The following TDRD10 variants were observed in gnomAD, a reference collection of about 807,000 sequenced individuals.
The protein encoded by TDRD10 is tudor domain-containing protein 10.
Under a neutral mutation model 48.0 loss-of-function variants are expected in TDRD10, and 40 were observed. The ratio of observed to expected loss-of-function variants is 0.83; its 90% confidence interval spans 0.65 to 1.09. The LOEUF (loss-of-function observed/expected upper bound fraction) is 1.09, where lower values mean the gene tolerates loss of function less well. TDRD10 is among the 50% of genes least tolerant of loss of function. The pLI is 0.00. For missense variants in TDRD10, 378 were observed against 434.7 expected (o/e 0.87, Z 1.16); for synonymous variants, 162 against 170.4 (o/e 0.95, Z 0.38).
intron 11 of TDRD10, among the ~76,000 whole-genome samples, chr1:154,546,436 A>G (rs1294424865): frequency 6.8e-6 from 1 of 146,828 alleles, no homozygotes; most frequent in African/African-American, 2.5e-5. Flanking sequence ...TATTATATAT[A>G]TCACGTAATA....
intron 6 of TDRD10, among the ~76,000 whole-genome samples, chr1:154,534,886 C>A (rs1694838560): frequency 6.6e-6 from 1 of 152,072 alleles, no homozygotes; most frequent in Admixed American, 6.6e-5. Context: ...AAGATAATTT[C>A]CCATGGGTGA....
At chr1:154,547,328 C>A in intron 11 of TDRD10, 81 bp from the exon 12 acceptor site, 1 of 1,505,798 alleles carries the variant, frequency 6.6e-7, no homozygotes, top group Non-Finnish European at 9.2e-7. Flanking sequence ...TCCCTGCAGC[C>A]CCCGCCTTTT....
intron 7 of TDRD10, among the ~76,000 whole-genome samples, chr1:154,542,297 A>G (rs898482841): frequency 1.3e-5 from 2 of 152,166 alleles, no homozygotes; most frequent in Non-Finnish European, 2.9e-5. Flanking sequence ...GCATGGTCAT[A>G]GCTCACTGCA....
At chr1:154,537,063 G>C (rs773461910) in intron 6 of TDRD10, among the ~76,000 whole-genome samples, 10 of 152,208 alleles carry the variant, frequency 6.6e-5, no homozygotes, top group Admixed American at 1.3e-4. Flanking sequence ...CCCCACCTTA[G>C]GGCCTCTGGA....
chr1:154,535,117 A>G (rs941738332), intron 6 of TDRD10, among the ~76,000 whole-genome samples: 4 of 152,218 alleles, frequency 2.6e-5, no homozygotes, highest in Admixed American at 1.3e-4. Flanking sequence ...GAATAAGGGT[A>G]GCACTTTGGG....
chr1:154,536,660 A>G (rs1278743707), intron 6 of TDRD10, among the ~76,000 whole-genome samples: 1 of 152,232 alleles, frequency 6.6e-6, no homozygotes, highest in Non-Finnish European at 1.5e-5. Context: ...TCAGTCGCCC[A>G]AAAGATTCCC....
intron 4 of TDRD10, among the ~76,000 whole-genome samples, chr1:154,510,083 G>A (rs1693366354): frequency 6.6e-6 from 1 of 152,108 alleles, no homozygotes; most frequent in Non-Finnish European, 1.5e-5. Context: ...TTTGAGCTGT[G>A]CTTTAGAGAA....
At chr1:154,503,595 CAAA>C (rs1033739641) in intron 1 of TDRD10, among the ~76,000 whole-genome samples, 3 of 151,950 alleles carry the variant, frequency 2.0e-5, no homozygotes, top group Non-Finnish European at 4.4e-5. Context: ...CTCAAAAAGA[CAAA>C]AAACAAACAA....
In TDRD10 at chr1:154,521,532, C is replaced by T. The variant is rs4446954; in HGVS notation, c.369+53C>T. The T allele has an allele frequency of 8.8e-4, 1,395 of 1,580,322 alleles. 10 individuals carry two copies. The African/African-American group carries it at 0.016, about 18-fold the overall frequency. On this transcript the variant is annotated intron_variant, in intron 6 of 12. Transcript: ENST00000368482. ...GGCGTTCCATTTTCACCCTTTAGAG[C>T]GTGGCTGACTTTGCTTTCAGTGCTT...
chr1:154,503,668 A>G (rs780800422), intron 1 of TDRD10, among the ~76,000 whole-genome samples: 1 of 152,196 alleles, frequency 6.6e-6, no homozygotes, highest in Non-Finnish European at 1.5e-5. Context: ...CTGAACGGAA[A>G]TCTTTTGGTT....
chr1:154,506,399 G>A lies in TDRD10; in HGVS notation c.-27-478G>A, dbSNP rs562892614. ...CTCTCTCTTTTTTTTTTTTTGAGAT[G>A]TTGTCTCACTCTGTCGCCCAGGCTG... On this transcript the variant is annotated intron_variant, in intron 1 of 12. Coordinates refer to ENST00000368482, the MANE Select transcript of TDRD10 (RefSeq NM_182499.4). Among the ~76,000 whole-genome samples the A allele has an allele frequency of 3.6e-5, 5 of 137,042 alleles. No individual in the cohort carries two copies. In the South Asian group the frequency reaches 9.2e-4, roughly 25 times the overall value. 89.9% of individuals were successfully genotyped at this position (137,042 alleles called of 152,430 possible).
chr1:154,503,503 G>C (rs1692937676), intron 1 of TDRD10, among the ~76,000 whole-genome samples: 1 of 152,164 alleles, frequency 6.6e-6, no homozygotes, highest in South Asian at 2.1e-4. Context: ...CAGGAGAATC[G>C]CTTGAACCCG....
intron 11 of TDRD10, among the ~76,000 whole-genome samples, chr1:154,546,954 C>T (rs1156278173): frequency 1.3e-5 from 2 of 152,010 alleles, no homozygotes; most frequent in South Asian, 2.1e-4. Context: ...GTGGGAGTTG[C>T]GTGAGGGACG....
chr1:154,543,854 T>C lies in TDRD10; in HGVS notation c.504-109T>C, dbSNP rs561620116. 6.0e-6 allele frequency: 9 copies of C among 1,488,854 alleles called. No homozygotes were observed. The East Asian group carries it at 2.0e-4, about 34-fold the overall frequency. The allele number at this position is 1,488,854 out of a possible 1,614,324, so 92.2% of individuals were successfully genotyped here. A position where few individuals can be genotyped will look rare whatever the true frequency, so the allele number is the denominator to read the frequency against. On this transcript the variant is annotated intron_variant, in intron 8 of 12. Coordinates refer to ENST00000368482, the MANE Select transcript of TDRD10 (RefSeq NM_182499.4). ...GGCACAGCCTTTCTGCTTAGGGGAC[T>C]CATCCCCCAGGCAGTTCAGCCTCCT...
intron 1 of TDRD10, among the ~76,000 whole-genome samples, chr1:154,505,144 T>G (rs1693072628): frequency 6.6e-6 from 1 of 152,254 alleles, no homozygotes; most frequent in African/African-American, 2.4e-5. Flanking sequence ...GCATGGATGC[T>G]AAGTGATCTT....
At chr1:154,545,643 T>C (rs536191771) in intron 11 of TDRD10, among the ~76,000 whole-genome samples, 111 of 151,854 alleles carry the variant, frequency 7.3e-4, no homozygotes, top group African/African-American at 2.5e-3. Flanking sequence ...GGCATAATCA[T>C]AACTCATAGC....
chr1:154,535,302 G>A (rs1381135033), intron 6 of TDRD10, among the ~76,000 whole-genome samples: 1 of 151,998 alleles, frequency 6.6e-6, no homozygotes, highest in Non-Finnish European at 1.5e-5. Flanking sequence ...GGGAGGCAGA[G>A]GTTGCAGTGA....
intron 4 of TDRD10, chr1:154,509,785 C>A (rs954206160): frequency 9.1e-6 from 9 of 985,232 alleles, no homozygotes; most frequent in Non-Finnish European, 1.1e-5. Flanking sequence ...TTTCCTCCCC[C>A]ATTTTGGCAG....
At chr1:154,517,838 T>C (rs1693858264) in intron 4 of TDRD10, among the ~76,000 whole-genome samples, 1 of 152,176 alleles carries the variant, frequency 6.6e-6, no homozygotes, top group South Asian at 2.1e-4. Context: ...CATATCGGTG[T>C]GCGAGGTGCG....
Sources: allele counts gnomAD v4.1 joint callset (sites outside exome capture counted in the v4.1 genomes callset), GRCh38; gene constraint gnomAD v4.1.1; transcripts MANE v1.5; gene names NCBI Gene and HGNC (gene_info 2026-07-23, HGNC 2026-07-21).